Variants in ENKUR observed in about 807,000 individuals in gnomAD.
ENKUR encodes the protein enkurin.
Under a neutral mutation model 27.6 loss-of-function variants are expected in ENKUR, and 19 were observed. The ratio of observed to expected loss-of-function variants is 0.69; its 90% CI spans 0.48 to 1.01. The LOEUF is 1.01. Ranked by LOEUF, ENKUR falls within the 50% of genes least tolerant of loss-of-function variation. ENKUR has a pLI of 0.00. For synonymous variants in ENKUR, 117 were observed against 96.9 expected (o/e 1.21, Z -1.22); for missense variants, 312 against 310.5 (o/e 1.00, Z -0.04).
At chr10:25,018,448 A>G (rs951900206), upstream of ENKUR, among the ~76,000 whole-genome samples, 1 of 152,218 alleles carries the variant, frequency 6.6e-6, no homozygotes, top group African/African-American at 2.4e-5. Context: ...TTATGTTGCA[A>G]CTACTCAGTT....
chr10:25,027,615 G>A (rs951394613), intron 2 of ENKUR, among the ~76,000 whole-genome samples: 54 of 151,340 alleles, frequency 3.6e-4, no homozygotes, highest in African/African-American at 9.0e-4. Flanking sequence ...CTGGCTGGGC[G>A]CAGTGGCTCA....
At chr10:24,993,469 C>T (rs976167073) in intron 3 of ENKUR, among the ~76,000 whole-genome samples, 1 of 152,126 alleles carries the variant, frequency 6.6e-6, no homozygotes, top group Non-Finnish European at 1.5e-5. Context: ...TGCTAAATAC[C>T]TCATGTGATC....
chr10:25,024,011 G>A (rs763578720), intron 2 of ENKUR: 3 of 1,614,210 alleles, frequency 1.9e-6, no homozygotes, highest in East Asian at 2.2e-5. Context: ...GCTTCTGATG[G>A]TGGCCTCTTT....
chr10:25,061,283 A>G, exon 2 of ENKUR: 2 of 756,806 alleles, frequency 2.6e-6, no homozygotes, highest in Non-Finnish European at 4.4e-6. Context: ...TGGAAAATCA[A>G]CTTTATCCCA....
chr10:25,024,347 T>A, intron 2 of ENKUR: 2 of 1,614,146 alleles, frequency 1.2e-6, no homozygotes, highest in Non-Finnish European at 1.7e-6. Context: ...TATATGATAC[T>A]TGTAGCTACT....
chr10:25,054,284 T>C (rs1466975590), intron 2 of ENKUR, among the ~76,000 whole-genome samples: 1 of 152,026 alleles, frequency 6.6e-6, no homozygotes, highest in Non-Finnish European at 1.5e-5. Context: ...TAGCTGGGCG[T>C]GGTGGTGGAT....
chr10:25,044,799 T>C (rs768991070), intron 2 of ENKUR, among the ~76,000 whole-genome samples: 2 of 152,234 alleles, frequency 1.3e-5, no homozygotes, highest in Non-Finnish European at 2.9e-5. Flanking sequence ...TTCCCTTGAG[T>C]ATCCTTGGAG....
Position 24,989,441 on chromosome 10 carries a change from C to T in ENKUR, c.594+1022G>A, listed in dbSNP as rs199619405. Among the ~76,000 whole-genome samples, 55 of 152,312 alleles carry T rather than the reference C, an allele frequency of 3.6e-4. No individual in the cohort carries two copies. The East Asian group carries it at 8.7e-3, about 24-fold the overall frequency. Reference sequence around the variant, plus strand: ...CGTCACTCTACATTTTCAGGCCCAGCTAACGATCTACAATCCTCCAGGGGT... The same window carrying T: ...CGTCACTCTACATTTTCAGGCCCAGTTAACGATCTACAATCCTCCAGGGGT... On this transcript the variant is annotated intron_variant, in intron 4 of 5. Coordinates refer to ENST00000331161, the MANE Select transcript of ENKUR (RefSeq NM_145010.4).
intron 4 of ENKUR, among the ~76,000 whole-genome samples, chr10:24,985,344 G>A (rs1392395625): frequency 6.6e-6 from 1 of 152,118 alleles, no homozygotes; most frequent in Non-Finnish European, 1.5e-5. Context: ...TCACATAAAA[G>A]ACCTAATTCT....
chr10:25,015,618 G>C (rs878961654), intron 1 of ENKUR, among the ~76,000 whole-genome samples: 1 of 152,078 alleles, frequency 6.6e-6, no homozygotes, highest in South Asian at 2.1e-4. Context: ...ATTAATAAGA[G>C]GTTAAGTGTA....
intron 2 of ENKUR, among the ~76,000 whole-genome samples, chr10:25,057,424 C>A (rs902055319): frequency 7.4e-6 from 1 of 134,968 alleles, no homozygotes; most frequent in African/African-American, 3.4e-5. Flanking sequence ...CACACACACA[C>A]ACACAATGCC....
At chr10:25,007,691 C>A (rs1850347383) in intron 1 of ENKUR, among the ~76,000 whole-genome samples, 1 of 152,136 alleles carries the variant, frequency 6.6e-6, no homozygotes, top group African/African-American at 2.4e-5. Flanking sequence ...GCCTCGGCCT[C>A]CCAAAGTGCT....
At chr10:25,039,350 CAGG>C (rs1051186142) in intron 2 of ENKUR, among the ~76,000 whole-genome samples, 6 of 152,086 alleles carry the variant, frequency 3.9e-5, no homozygotes, top group Admixed American at 3.3e-4. Flanking sequence ...GAGACTGAGG[CAGG>C]AGGATCGCTT....
chr10:24,985,939 G>C (rs2132664083), intron 4 of ENKUR, among the ~76,000 whole-genome samples: 1 of 152,252 alleles, frequency 6.6e-6, no homozygotes, highest in African/African-American at 2.4e-5. Context: ...GTGGTAGCAT[G>C]GGCCTGTAGT....
chr10:25,061,842 G>C (rs534711293), intron 1 of ENKUR, among the ~76,000 whole-genome samples: 1 of 152,114 alleles, frequency 6.6e-6, no homozygotes, highest in African/African-American at 2.4e-5. Flanking sequence ...CGTGACTGCT[G>C]CATCATCAAT....
intron 1 of ENKUR, among the ~76,000 whole-genome samples, chr10:25,002,080 G>C (rs562622295): frequency 6.6e-6 from 1 of 152,212 alleles, no homozygotes; most frequent in Non-Finnish European, 1.5e-5. Flanking sequence ...AAGTGTTAGG[G>C]TAATTCCACA....
At chr10:25,046,868 T>C (rs1851127230) in intron 2 of ENKUR, among the ~76,000 whole-genome samples, 1 of 152,358 alleles carries the variant, frequency 6.6e-6, no homozygotes, top group South Asian at 2.1e-4. Flanking sequence ...GTGGCTGTAC[T>C]TGAAAGTAAG....
At chr10:25,046,756 A>G (rs1372644604) in intron 2 of ENKUR, among the ~76,000 whole-genome samples, 3 of 152,196 alleles carry the variant, frequency 2.0e-5, no homozygotes, top group Non-Finnish European at 2.9e-5. Flanking sequence ...AAATCTCACT[A>G]TAACTTTTCA....
At position 24,995,832 on chromosome 10, in the gene ENKUR, A is replaced by G. The variant is rs776644727; in HGVS notation, c.261T>C (p.Ala87=). 3 of 1,612,118 alleles carry G rather than the reference A, an allele frequency of 1.9e-6. No individual in the cohort carries two copies. The highest frequency in any genetic ancestry group is 2.5e-6 in the Non-Finnish European group (3 of 1,179,668). ...CAGGATGATCAGTCTTCAATGGCAC[A>G]GCAGGCTTTTTGGGCACGTTCCGAT... ...NFDRNVPKKP[A]VPLKTDHPVM... is the part of the protein sequence containing the mutation. Residue 87 remains alanine (A), a synonymous_variant, in exon 3 of 6, where the codon GCT becomes GCC. Transcript: ENST00000331161.
Sources: allele counts gnomAD v4.1 joint callset (sites outside exome capture counted in the v4.1 genomes callset), GRCh38; gene constraint gnomAD v4.1.1; transcripts MANE v1.5; gene names NCBI Gene and HGNC (gene_info 2026-07-23, HGNC 2026-07-21).